Variants in LRRC63 observed in about 807,000 individuals in gnomAD.
LRRC63 encodes the protein leucine rich repeat containing 63.
In LRRC63, 40 loss-of-function variants were observed where a neutral mutation model predicts 49.5. The ratio of observed to expected loss-of-function variants is 0.81; its 90% CI spans 0.63 to 1.05. The LOEUF is 1.05. Among genes scored for constraint, LRRC63 ranks in the 50% least tolerant of loss-of-function variants. The probability of loss-of-function intolerance (pLI) is 0.00; values close to 1 mark genes in which losing one functional copy is unlikely to be tolerated. For synonymous variants in LRRC63, 191 were observed against 221.1 expected, an observed-to-expected ratio of 0.86 and a Z score of 1.21; for missense variants, 636 against 663.1, an observed-to-expected ratio of 0.96 and a Z score of 0.45.
intron 8 of LRRC63, 80 bp from the exon 9 acceptor site, chr13:46,266,653 A>G: frequency 1.6e-6 from 2 of 1,230,472 alleles, no homozygotes; most frequent in South Asian, 1.7e-5. Flanking sequence ...GCCAATTTTC[A>G]TGAACAATTG....
intron 7 of LRRC63, among the ~76,000 whole-genome samples, chr13:46,255,008 C>T (rs2047473285): frequency 6.6e-6 from 1 of 152,088 alleles, no homozygotes. Context: ...AAGGTGGTAA[C>T]TCAAATGTCC....
At chr13:46,234,074 T>A (rs2046837813) in intron 4 of LRRC63, 118 bp from the exon 5 acceptor site, 1 of 889,168 alleles carries the variant, frequency 1.1e-6, no homozygotes, top group African/African-American at 1.7e-5. Context: ...TGCCAGAGGA[T>A]GTGTACACTT....
At chr13:46,241,879 A>C (rs1262948368) in intron 5 of LRRC63, among the ~76,000 whole-genome samples, 1 of 152,224 alleles carries the variant, frequency 6.6e-6, no homozygotes, top group East Asian at 1.9e-4. Context: ...TGGGAGTGTA[A>C]ATTAGTTCAA....
intron 9 of LRRC63, chr13:46,270,329 T>C: frequency 1.2e-6 from 1 of 856,820 alleles, no homozygotes. Flanking sequence ...CTCTGGGAAA[T>C]TTAAGTGGGG....
rs752992115 is a variant in LRRC63 at position 46,276,826 on chromosome 13, G to GTATATATA, written c.*24_*25insATATATAT. The GTATATATA allele has an allele frequency of 3.7e-3, 609 of 165,280 alleles. 8 individuals carry two copies. Among genetic ancestry groups the GTATATATA allele is most frequent in the African/African-American group, 0.018 (557 of 30,362 alleles). The allele number at this position is 165,280 out of a possible 1,614,324, so 10.2% of individuals were successfully genotyped here. A position where few individuals can be genotyped will look rare whatever the true frequency, so the allele number is the denominator to read the frequency against. On this transcript the variant is annotated 3_prime_UTR_variant, in exon 10 of 10. Coordinates refer to ENST00000595396, the Ensembl canonical transcript of LRRC63. ...TAGTACAATGATTTATCGTATGTGT[G>GTATATATA]TGTATATATATATATATATATATAT...
At chr13:46,233,248 G>A (rs983628480) in intron 4 of LRRC63, among the ~76,000 whole-genome samples, 14 of 152,074 alleles carry the variant, frequency 9.2e-5, no homozygotes, top group African/African-American at 3.4e-4. Context: ...TTAGAGCAGG[G>A]AGCAGGCCAC....
intron 7 of LRRC63, among the ~76,000 whole-genome samples, chr13:46,259,403 CTT>C (rs1326173621): frequency 6.6e-6 from 1 of 152,064 alleles, no homozygotes; most frequent in African/African-American, 2.4e-5. Flanking sequence ...AACAAAAAGT[CTT>C]TATCTTTTTC....
At chr13:46,258,600 G>A (rs2047559798) in intron 7 of LRRC63, among the ~76,000 whole-genome samples, 1 of 150,816 alleles carries the variant, frequency 6.6e-6, no homozygotes, top group Non-Finnish European at 1.5e-5. Flanking sequence ...ACGAGGTCAG[G>A]AGATCGAGAC....
intron 4 of LRRC63, among the ~76,000 whole-genome samples, chr13:46,232,539 G>C (rs2046793620): frequency 6.6e-6 from 1 of 152,110 alleles, no homozygotes; most frequent in South Asian, 2.1e-4. Context: ...TGATGTTCTA[G>C]GAAAGAGGAC....
intron 4 of LRRC63, among the ~76,000 whole-genome samples, chr13:46,232,051 G>A (rs1402973897): frequency 1.4e-5 from 2 of 147,862 alleles, no homozygotes; most frequent in South Asian, 2.2e-4. Context: ...TCCTGACCTC[G>A]TGATCCGCCG....
At chr13:46,250,211 GGT>G (rs1462429454) in intron 6 of LRRC63, 142 bp from the exon 7 acceptor site, 1 of 650,138 alleles carries the variant, frequency 1.5e-6, no homozygotes, top group Non-Finnish European at 2.5e-6. Context: ...GTTGACCGAG[GGT>G]GTTTACTGAG....
At chr13:46,237,772 G>A (rs559061332) in intron 5 of LRRC63, among the ~76,000 whole-genome samples, 4 of 152,058 alleles carry the variant, frequency 2.6e-5, no homozygotes, top group African/African-American at 9.6e-5. Flanking sequence ...ATTACAACTG[G>A]CCTTACAAAA....
chr13:46,220,551 G>A (rs988446778), intron 2 of LRRC63, among the ~76,000 whole-genome samples: 2 of 151,864 alleles, frequency 1.3e-5, no homozygotes, highest in African/African-American at 4.8e-5. Flanking sequence ...ATGGGGGTGG[G>A]ATCCACTGAG....
intron 2 of LRRC63, among the ~76,000 whole-genome samples, chr13:46,218,018 C>A (rs563085033): frequency 6.6e-6 from 1 of 152,164 alleles, no homozygotes; most frequent in African/African-American, 2.4e-5. Context: ...GTTTTACTTC[C>A]AATTATGTGG....
At chr13:46,227,681 A>G (rs1205669296) in exon 3 of LRRC63, 17 of 1,550,310 alleles carry the variant, frequency 1.1e-5, no homozygotes, top group Middle Eastern at 1.7e-4. Flanking sequence ...GAGTGACTGC[A>G]ATTTCATCAC....
At chr13:46,231,074 T>A (rs1263264612) in intron 4 of LRRC63, among the ~76,000 whole-genome samples, 5 of 152,248 alleles carry the variant, frequency 3.3e-5, no homozygotes, top group Non-Finnish European at 4.4e-5. Context: ...TGGACTTCAC[T>A]GTCAATATAA....
intron 7 of LRRC63, among the ~76,000 whole-genome samples, chr13:46,260,671 G>A (rs752565611): frequency 2.0e-5 from 3 of 152,172 alleles, no homozygotes; most frequent in Non-Finnish European, 4.4e-5. Flanking sequence ...TGACATCTGA[G>A]CCAAGACAAA....
At chr13:46,264,252 A>C (rs942232433) in intron 8 of LRRC63, among the ~76,000 whole-genome samples, 2 of 152,180 alleles carry the variant, frequency 1.3e-5, no homozygotes, top group African/African-American at 4.8e-5. Flanking sequence ...AATTCAGTGA[A>C]TTATTTGAAT....
At chr13:46,258,931 A>G (rs1382850818) in intron 7 of LRRC63, among the ~76,000 whole-genome samples, 1 of 152,146 alleles carries the variant, frequency 6.6e-6, no homozygotes, top group Non-Finnish European at 1.5e-5. Flanking sequence ...TATTTTTGAA[A>G]TTATGTAACA....
Sources: gnomAD v4.1 joint callset for allele counts (sites outside exome capture counted in the v4.1 genomes callset) on GRCh38, gnomAD v4.1.1 for gene constraint, MANE v1.5 for transcripts, NCBI Gene and HGNC (gene_info 2026-07-23, HGNC 2026-07-21) for gene names.